The following ADGRL3 variants were observed in gnomAD, a reference collection of about 807,000 sequenced individuals.
The protein encoded by ADGRL3 is calcium-independent alpha-latrotoxin receptor 3.
ADGRL3 carries 62 observed loss-of-function variants against 153.5 expected under a neutral mutation model. The ratio of observed to expected loss-of-function variants is 0.40; its 90% CI spans 0.33 to 0.50. The LOEUF (loss-of-function observed/expected upper bound fraction) is 0.50. Among genes scored for constraint, ADGRL3 ranks in the 20% least tolerant of loss-of-function variants. ADGRL3 has a pLI of 0.47. For missense variants in ADGRL3, 1,641 were observed against 1,859.4 expected (o/e 0.88, Z 2.16); for synonymous variants, 710 against 672.5 (o/e 1.06, Z -0.86).
intron 4 of ADGRL3, among the ~76,000 whole-genome samples, chr4:61,547,340 G>T (rs2098718490): frequency 6.6e-6 from 1 of 151,508 alleles, no homozygotes; most frequent in Admixed American, 6.6e-5. Flanking sequence ...CATGTCAGAG[G>T]AATTTGGTAC....
chr4:61,462,248 A>C (rs537846830), intron 2 of ADGRL3, among the ~76,000 whole-genome samples: 2 of 152,192 alleles, frequency 1.3e-5, no homozygotes, highest in African/African-American at 4.8e-5. Flanking sequence ...TGGATCCACT[A>C]ATCTCTTACT....
chr4:61,761,927 T>G (rs990946788), intron 8 of ADGRL3, among the ~76,000 whole-genome samples: 3 of 152,214 alleles, frequency 2.0e-5, no homozygotes, highest in African/African-American at 4.8e-5. Context: ...TGAGACTCTG[T>G]CTCTAATAAA....
chr4:61,650,850 T>A (rs904943515), intron 5 of ADGRL3, among the ~76,000 whole-genome samples: 1 of 152,094 alleles, frequency 6.6e-6, no homozygotes, highest in Non-Finnish European at 1.5e-5. Flanking sequence ...GTGAATATGG[T>A]TTCTAGGTTT....
intron 2 of ADGRL3, among the ~76,000 whole-genome samples, chr4:61,448,123 A>C (rs1023684732): frequency 6.6e-6 from 1 of 152,194 alleles, no homozygotes; most frequent in South Asian, 2.1e-4. Context: ...AATTTAGCTC[A>C]GTGGTGTGCA....
At chr4:61,533,463 G>C (rs964785603) in intron 4 of ADGRL3, among the ~76,000 whole-genome samples, 1 of 77,212 alleles carries the variant, frequency 1.3e-5, no homozygotes, top group Non-Finnish European at 2.6e-5. Flanking sequence ...ATCTCTCTGA[G>C]AGCATTTGTA....
chr4:61,763,122 A>G (rs1451069409), intron 8 of ADGRL3, among the ~76,000 whole-genome samples: 3 of 151,946 alleles, frequency 2.0e-5, no homozygotes, highest in African/African-American at 7.3e-5. Flanking sequence ...CACTTTGCAT[A>G]AAGATTTTTT....
chr4:61,431,855 A>G (rs1324404776), intron 2 of ADGRL3, among the ~76,000 whole-genome samples: 1 of 152,194 alleles, frequency 6.6e-6, no homozygotes, highest in Non-Finnish European at 1.5e-5. Flanking sequence ...TCTCTAAGTA[A>G]CCTTAGATAA....
At chr4:61,373,657 T>A (rs902227121) in intron 1 of ADGRL3, among the ~76,000 whole-genome samples, 1 of 152,202 alleles carries the variant, frequency 6.6e-6, no homozygotes, top group Non-Finnish European at 1.5e-5. Flanking sequence ...AGTTTGCTGT[T>A]CTTTGACTTT....
intron 6 of ADGRL3, among the ~76,000 whole-genome samples, chr4:61,692,390 G>T (rs999690444): frequency 6.6e-6 from 1 of 150,832 alleles, no homozygotes; most frequent in Non-Finnish European, 1.5e-5. Flanking sequence ...GCTTAATTCT[G>T]TCTGCCTTCT....
chr4:61,421,967 A>C (rs1008089719), intron 2 of ADGRL3, among the ~76,000 whole-genome samples: 1 of 152,174 alleles, frequency 6.6e-6, no homozygotes. Context: ...CTATTCATCT[A>C]TTCATCCTTG....
intron 5 of ADGRL3, among the ~76,000 whole-genome samples, chr4:61,665,001 A>T (rs983023869): frequency 6.6e-5 from 10 of 152,176 alleles, no homozygotes; most frequent in African/African-American, 2.4e-4. Flanking sequence ...CATTCCCCTT[A>T]TGTGATTATT....
chr4:61,601,109 A>G (rs1251611339), intron 5 of ADGRL3, among the ~76,000 whole-genome samples: 1 of 152,112 alleles, frequency 6.6e-6, no homozygotes, highest in African/African-American at 2.4e-5. Context: ...TTACATTTCT[A>G]TATAAGAATG....
intron 2 of ADGRL3, among the ~76,000 whole-genome samples, chr4:61,470,601 A>T (rs1367000232): frequency 2.0e-5 from 3 of 151,998 alleles, no homozygotes; most frequent in African/African-American, 4.8e-5. Flanking sequence ...TGCTGCAGGA[A>T]ATAATTTAAC....
intron 9 of ADGRL3, among the ~76,000 whole-genome samples, chr4:61,829,997 A>G (rs2097851349): frequency 6.6e-6 from 1 of 151,590 alleles, no homozygotes; most frequent in Non-Finnish European, 1.5e-5. Context: ...CAAGTCTCCC[A>G]TCTCTACAAA....
At chr4:61,334,456 T>A (rs1033330023) in intron 1 of ADGRL3, among the ~76,000 whole-genome samples, 1 of 152,126 alleles carries the variant, frequency 6.6e-6, no homozygotes, top group African/African-American at 2.4e-5. Flanking sequence ...GAAGTGTAAA[T>A]TAAAGGAAGA....
chr4:61,452,454 C>A (rs755352121), intron 2 of ADGRL3, among the ~76,000 whole-genome samples: 3 of 152,228 alleles, frequency 2.0e-5, no homozygotes, highest in Non-Finnish European at 2.9e-5. Context: ...TAGCCACATT[C>A]ATGATGACAT....
intron 2 of ADGRL3, among the ~76,000 whole-genome samples, chr4:61,413,677 T>C (rs2097112976): frequency 6.6e-6 from 1 of 152,186 alleles, no homozygotes; most frequent in African/African-American, 2.4e-5. Flanking sequence ...ACTGGGCCAT[T>C]TTCGGTCTAT....
chr4:61,371,392 C>T (rs905290857), intron 1 of ADGRL3, among the ~76,000 whole-genome samples: 96 of 151,884 alleles, frequency 6.3e-4, no homozygotes, highest in Non-Finnish European at 1.1e-3. Context: ...CCATGTGTAG[C>T]GCTTCCTTCA....
chr4:61,827,753 A>G (rs1298680979), intron 9 of ADGRL3, among the ~76,000 whole-genome samples: 1 of 152,186 alleles, frequency 6.6e-6, no homozygotes, highest in South Asian at 2.1e-4. Flanking sequence ...CTTGATTTCT[A>G]ATTTAGATAA....
Sources: allele counts gnomAD v4.1 joint callset (sites outside exome capture counted in the v4.1 genomes callset), GRCh38; gene constraint gnomAD v4.1.1; transcripts MANE v1.5; gene names NCBI Gene and HGNC (gene_info 2026-07-23, HGNC 2026-07-21).